Variants in QRFPR observed in about 807,000 individuals in gnomAD.
QRFPR encodes the protein pyroglutamylated RF-amide peptide receptor.
A neutral mutation model predicts 31.3 loss-of-function variants in QRFPR; 37 were observed. The ratio of observed to expected loss-of-function variants is 1.18; its 90% CI spans 0.91 to 1.56. The LOEUF (loss-of-function observed/expected upper bound fraction) is 1.56. QRFPR is among the 40% of genes most tolerant of loss of function. The pLI is 0.00. For missense variants in QRFPR, 542 were observed against 532.5 expected (o/e 1.02, Z -0.18); for synonymous variants, 197 against 192.0 (o/e 1.03, Z -0.22).
At chr4:121,355,757 T>C (rs1191370292) in intron 1 of QRFPR, among the ~76,000 whole-genome samples, 1 of 152,082 alleles carries the variant, frequency 6.6e-6, no homozygotes, top group African/African-American at 2.4e-5. Context: ...GTATGTTGTG[T>C]TTCCATTTTT....
chr4:121,367,490 C>T (rs575465), intron 1 of QRFPR, among the ~76,000 whole-genome samples: 136,602 of 149,932 alleles, frequency 0.91, 62,934 homozygotes, highest in East Asian at 0.98. Flanking sequence ...ATAACTACTT[C>T]ATTGTATTTT....
intron 3 of QRFPR, among the ~76,000 whole-genome samples, chr4:121,334,133 C>T (rs1324816079): frequency 6.6e-6 from 1 of 152,138 alleles, no homozygotes; most frequent in Non-Finnish European, 1.5e-5. Flanking sequence ...CATGCAAAGG[C>T]CAATGACCAG....
At chr4:121,360,828 C>G (rs1388627811) in intron 1 of QRFPR, among the ~76,000 whole-genome samples, 1 of 152,092 alleles carries the variant, frequency 6.6e-6, no homozygotes, top group Non-Finnish European at 1.5e-5. Context: ...CATTTCTCAC[C>G]ACATCCCCTC....
At chr4:121,362,436 A>G (rs190246680) in intron 1 of QRFPR, among the ~76,000 whole-genome samples, 4 of 150,252 alleles carry the variant, frequency 2.7e-5, no homozygotes, top group Admixed American at 2.6e-4. Context: ...AAGAAAGGCA[A>G]AATCCCAGCA....
chr4:121,346,380 AT>A (rs1725650855), intron 1 of QRFPR, among the ~76,000 whole-genome samples: 1 of 152,010 alleles, frequency 6.6e-6, no homozygotes, highest in Admixed American at 6.6e-5. Flanking sequence ...TAGAAACGTG[AT>A]TGTGTCTTTA....
chr4:121,369,686 T>C (rs1345270083), intron 1 of QRFPR: 1 of 1,582,230 alleles, frequency 6.3e-7, no homozygotes, highest in African/African-American at 1.3e-5. Context: ...GCCCCACTTA[T>C]CTGACAAGTT....
intron 1 of QRFPR, chr4:121,370,058 C>T: frequency 3.9e-6 from 3 of 772,420 alleles, no homozygotes; most frequent in South Asian, 1.3e-5. Flanking sequence ...TTAGCCTTCA[C>T]CACTGGGAGC....
chr4:121,332,095 A>G (rs1368399286), intron 4 of QRFPR, among the ~76,000 whole-genome samples: 3 of 152,182 alleles, frequency 2.0e-5, no homozygotes, highest in Non-Finnish European at 4.4e-5. Flanking sequence ...TGAGCACTAG[A>G]GCACTAGAGA....
chr4:121,344,186 A>G (rs567815264), intron 1 of QRFPR, among the ~76,000 whole-genome samples: 35 of 152,316 alleles, frequency 2.3e-4, no homozygotes, highest in South Asian at 6.2e-4. Context: ...TATTTCCCAG[A>G]GAAAGACACT....
chr4:121,345,516 G>A (rs1725627476), intron 1 of QRFPR, among the ~76,000 whole-genome samples: 1 of 152,110 alleles, frequency 6.6e-6, no homozygotes, highest in Non-Finnish European at 1.5e-5. Context: ...GTGTACTATG[G>A]GCTATGTTCT....
rs191725918 is a variant in QRFPR, at chr4:121,331,205, G to A, written c.798-682C>T. Reference sequence around the variant, plus strand: ...TTTTTTTTTTTTTTTTTTTTTTTGAGACAAGGTCTTACTCGGTTGCCCAGG... The same window carrying A: ...TTTTTTTTTTTTTTTTTTTTTTTGAAACAAGGTCTTACTCGGTTGCCCAGG... On this transcript the variant is annotated intron_variant, in intron 4 of 5. Coordinates refer to ENST00000394427, the MANE Select transcript of QRFPR (RefSeq NM_198179.3). 4.4e-3 allele frequency among the ~76,000 whole-genome samples: 368 copies of A among 83,616 alleles called. 3 individuals carry two copies. The highest frequency in any genetic ancestry group is 0.02 in the African/African-American group (357 of 18,218). The allele number at this position is 83,616 out of a possible 152,430, so 54.9% of individuals were successfully genotyped here.
At chr4:121,358,592 T>C (rs1002698779) in intron 1 of QRFPR, among the ~76,000 whole-genome samples, 2 of 152,218 alleles carry the variant, frequency 1.3e-5, no homozygotes, top group African/African-American at 2.4e-5. Context: ...CTTAACAGAA[T>C]AGTTGGGGGA....
chr4:121,341,829 A>T (rs1339917602), intron 1 of QRFPR, among the ~76,000 whole-genome samples: 1 of 151,986 alleles, frequency 6.6e-6, no homozygotes, highest in Admixed American at 6.6e-5. Context: ...CCATGGGAAT[A>T]CTCCTTGCTT....
Position 121,329,006 on chromosome 4 carries a change from G to A in QRFPR, c.*308C>T, listed in dbSNP as rs965925572. On this transcript the variant is annotated 3_prime_UTR_variant, in exon 6 of 6. Transcript: ENST00000394427. ...CCTGACCTCGTGATCCGCCCGTCTA[G>A]GCCTCCCAAAGTGCTGGGATTACAG... is the stretch of plus-strand genomic sequence containing the variant. 2.6e-5 allele frequency: 5 copies of A among 195,596 alleles called. No homozygotes were observed. The highest frequency in any genetic ancestry group is 1.2e-4 in the African/African-American group (5 of 42,878). The allele number at this position is 195,596 out of a possible 1,614,324, so 12.1% of individuals were successfully genotyped here.
Position 121,351,598 on chromosome 4 carries a change from G to A in QRFPR, c.341-10988C>T, listed in dbSNP as rs562087482. ...ATCAGAAATAATGGGGTTTCATTAT[G>A]TTTATAATGTTAAAATAACCCATCA... On this transcript the variant is annotated intron_variant, in intron 1 of 5. Coordinates refer to ENST00000394427, the MANE Select transcript of QRFPR (RefSeq NM_198179.3). Among the ~76,000 whole-genome samples the A allele has an allele frequency of 6.6e-5, 10 of 152,134 alleles. No individual in the cohort carries two copies. The South Asian group carries it at 1.5e-3, about 22-fold the overall frequency.
chr4:121,330,218 A>G (rs544670318), intron 5 of QRFPR, among the ~76,000 whole-genome samples: 51 of 152,286 alleles, frequency 3.3e-4, no homozygotes, highest in African/African-American at 1.2e-3. Context: ...CAAAGCTTTG[A>G]TCTTCTGTAA....
At chr4:121,379,375 A>G (rs1482715622) in intron 1 of QRFPR, among the ~76,000 whole-genome samples, 1 of 152,166 alleles carries the variant, frequency 6.6e-6, no homozygotes, top group Non-Finnish European at 1.5e-5. Context: ...ATAATGATCT[A>G]TTTCTCTTAC....
chr4:121,372,537 C>A (rs1726269602), intron 1 of QRFPR, among the ~76,000 whole-genome samples: 1 of 152,130 alleles, frequency 6.6e-6, no homozygotes, highest in Admixed American at 6.6e-5. Context: ...AAAACTTTTT[C>A]ATAACCCCAA....
intron 1 of QRFPR, among the ~76,000 whole-genome samples, chr4:121,359,805 A>ACG (rs1553947469): frequency 2.8e-5 from 4 of 144,250 alleles, no homozygotes; most frequent in African/African-American, 1.0e-4. Flanking sequence ...GTGTGTGTGT[A>ACG]TGTGTGTGTG....
Sources: allele counts gnomAD v4.1 joint callset (sites outside exome capture counted in the v4.1 genomes callset), GRCh38; gene constraint gnomAD v4.1.1; transcripts MANE v1.5; gene names NCBI Gene and HGNC (gene_info 2026-07-23, HGNC 2026-07-21).